NKD1: variants seen among roughly 807,000 people sequenced by gnomAD.
NKD1 encodes NKD inhibitor of Wnt signaling pathway 1.
In NKD1, 21 loss-of-function variants were observed where a neutral mutation model predicts 56.0. The ratio of observed to expected loss-of-function variants is 0.38; its 90% CI spans 0.27 to 0.54. The LOEUF (loss-of-function observed/expected upper bound fraction) is 0.54. Among genes scored for constraint, NKD1 ranks in the 20% least tolerant of loss-of-function variants. The probability of loss-of-function intolerance (pLI) is 0.82; values close to 1 mark genes in which losing one functional copy is unlikely to be tolerated. For synonymous variants in NKD1, 263 were observed against 265.7 expected (o/e 0.99, Z 0.10); for missense variants, 578 against 642.7 (o/e 0.90, Z 1.09).
chr16:50,580,647 T>C (rs1372021489), intron 3 of NKD1, among the ~76,000 whole-genome samples: 1 of 152,242 alleles, frequency 6.6e-6, no homozygotes, highest in African/African-American at 2.4e-5. Flanking sequence ...ACCCTTTCAA[T>C]TTTTTAAACA....
intron 3 of NKD1, among the ~76,000 whole-genome samples, chr16:50,588,598 CTTTTTTTTTTTTT>C (rs574622414): frequency 5.3e-5 from 5 of 94,652 alleles, no homozygotes; most frequent in Admixed American, 1.2e-4. Flanking sequence ...TTTTCTTCTG[CTTTTTTTTTTTTT>C]TTTTTTTTTT....
rs548121703 is a variant in NKD1, at chr16:50,574,554, C to G, written c.192+24999C>G. Reference sequence around the variant, plus strand: ...CGGCCGAATGGCAGTGCAGCGTGGTCTCGCCTTGGATTGATCTTGTTGGAG... The same window carrying G: ...CGGCCGAATGGCAGTGCAGCGTGGTGTCGCCTTGGATTGATCTTGTTGGAG... On this transcript the variant is annotated intron_variant, in intron 3 of 9. Coordinates refer to ENST00000268459, the MANE Select transcript of NKD1 (RefSeq NM_033119.5). The G allele has an allele frequency of 2.2e-5, 22 of 985,374 alleles. No homozygotes were observed. In the East Asian group the frequency reaches 2.4e-3, roughly 107 times the overall value. The allele number at this position is 985,374 out of a possible 1,614,324, so 61.0% of individuals were successfully genotyped here.
At chr16:50,582,362 A>G (rs967643272) in intron 3 of NKD1, among the ~76,000 whole-genome samples, 1 of 152,186 alleles carries the variant, frequency 6.6e-6, no homozygotes, top group African/African-American at 2.4e-5. Context: ...CCCCTCCCAC[A>G]TATCCTAAAG....
intron 3 of NKD1, chr16:50,553,369 A>G (rs1342599934): frequency 1.3e-5 from 2 of 152,256 alleles, no homozygotes; most frequent in African/African-American, 4.8e-5. Context: ...TGCCTGAAGA[A>G]ATAGGCTGAG....
chr16:50,560,010 G>A (rs1960589077), intron 3 of NKD1, among the ~76,000 whole-genome samples: 1 of 152,204 alleles, frequency 6.6e-6, no homozygotes, highest in Non-Finnish European at 1.5e-5. Context: ...GTGGGTTTGG[G>A]GGTGCTGGTG....
intron 5 of NKD1, among the ~76,000 whole-genome samples, chr16:50,622,093 A>G (rs1962105089): frequency 6.6e-6 from 1 of 151,786 alleles, no homozygotes; most frequent in African/African-American, 2.4e-5. Flanking sequence ...CCTGTGGGGG[A>G]TCTCAGGTGG....
chr16:50,622,725 A>C lies in NKD1; in HGVS notation c.366+1017A>C, dbSNP rs148124737. Among the ~76,000 whole-genome samples the C allele has an allele frequency of 1.1e-4, 16 of 152,294 alleles. No homozygotes were observed. The East Asian group carries it at 3.1e-3, about 30-fold the overall frequency. ...CGCCTAAAGGTCTAAAGTGCTTAAGAGGGTGCCCCTCTTTCTCACCAATGC... is the reference window on the plus strand; with the variant it reads ...CGCCTAAAGGTCTAAAGTGCTTAAGCGGGTGCCCCTCTTTCTCACCAATGC... On this transcript the variant is annotated intron_variant, in intron 5 of 9. Coordinates refer to ENST00000268459, the MANE Select transcript of NKD1 (RefSeq NM_033119.5).
intron 3 of NKD1, chr16:50,575,226 G>A (rs1368194310): frequency 2.0e-6 from 2 of 985,226 alleles, no homozygotes; most frequent in African/African-American, 3.5e-5. Context: ...CTTTAACTAG[G>A]GGCTGAGAGA....
At chr16:50,618,387 G>T (rs1047709511) in intron 4 of NKD1, among the ~76,000 whole-genome samples, 1 of 152,172 alleles carries the variant, frequency 6.6e-6, no homozygotes, top group Admixed American at 6.5e-5. Flanking sequence ...CCTTGGTGTG[G>T]CCTGGGTGGC....
Position 50,633,268 on chromosome 16 carries a change from G to T in NKD1, c.900G>T (p.Pro300=). Residue 300 remains proline, a synonymous_variant, in exon 10 of 10, where the codon CCG becomes CCT. Transcript: ENST00000268459. This position sits in a 1 kb window ranked among gnomAD's most constrained non-coding sequence, Gnocchi z 4.9. The part of the protein sequence containing the change: ...SNPTRSRSHE[P]EAIHIPHRKP... ...CCACTCGATCTCGCTCCCATGAGCCGGAAGCCATCCACATCCCACACCGAA... is the reference window on the plus strand; with the variant it reads ...CCACTCGATCTCGCTCCCATGAGCCTGAAGCCATCCACATCCCACACCGAA... 1.2e-6 allele frequency: 2 copies of T among 1,614,030 alleles called. No homozygotes were observed. The highest frequency in any genetic ancestry group is 1.7e-6 in the Non-Finnish European group (2 of 1,179,970).
intron 3 of NKD1, among the ~76,000 whole-genome samples, chr16:50,588,375 C>A (rs1258580754): frequency 6.6e-6 from 1 of 152,154 alleles, no homozygotes; most frequent in African/African-American, 2.4e-5. Flanking sequence ...GCAAATAAGC[C>A]CATGCCAAAG....
At chr16:50,584,274 C>T (rs1425552525) in intron 3 of NKD1, among the ~76,000 whole-genome samples, 2 of 152,216 alleles carry the variant, frequency 1.3e-5, no homozygotes, top group Non-Finnish European at 2.9e-5. Context: ...AGGAAGTGGA[C>T]TCCCCAGTGC....
At chr16:50,581,873 G>C (rs1033019046) in intron 3 of NKD1, among the ~76,000 whole-genome samples, 12 of 152,200 alleles carry the variant, frequency 7.9e-5, no homozygotes, top group Admixed American at 2.0e-4. Flanking sequence ...ATTTGGAAAG[G>C]GCAGGGTGGT....
In NKD1 at chr16:50,608,296, G is replaced by T; in HGVS notation, c.195G>T (p.Glu65Asp). Residue 65 changes from glutamate to aspartate, a missense_variant and splice_region_variant, in exon 4 of 10, where the codon GAG (glutamate) becomes GAT (aspartate). By Grantham distance (45) the Glu-to-Asp change is conservative. Transcript: ENST00000268459. Reference protein sequence around the residue: ...LAGTIGRSTRELVGDVLRDTL... With the variant: ...LAGTIGRSTRDLVGDVLRDTL... ...GCCTCTGCTCTGTCTTCTTGTAGGA[G>T]CTCGTGGGCGACGTGTTGAGAGACA... 1 of 1,612,450 alleles carries T rather than the reference G, an allele frequency of 6.2e-7. No individual in the cohort carries two copies. The highest frequency in any genetic ancestry group is 8.5e-7 in the Non-Finnish European group (1 of 1,178,734).
rs1962705522 is a variant in NKD1, at chr16:50,647,631, GGT to G, written c.*13851_*13852del. Reference sequence around the variant, plus strand: ...CCCACCTGCACAGGGAGGGAGCTGAGGTATTTACCCACCCATCCTTGTCAGTC... The same window carrying G: ...CCCACCTGCACAGGGAGGGAGCTGAGATTTACCCACCCATCCTTGTCAGTC... On this transcript the variant is annotated 3_prime_UTR_variant, in exon 10 of 10. Transcript: ENST00000268459. 6.6e-6 allele frequency: 1 copy of G among 152,222 alleles called. No individual in the cohort carries two copies. Among genetic ancestry groups the G allele is most frequent in the Non-Finnish European group, 1.5e-5 (1 of 68,048 alleles). The allele number at this position is 152,222 out of a possible 1,614,324, so 9.4% of individuals were successfully genotyped here. A position where few individuals can be genotyped will look rare whatever the true frequency, so the allele number is the denominator to read the frequency against.
At chr16:50,569,068 A>G (rs992523237) in intron 3 of NKD1, among the ~76,000 whole-genome samples, 49 of 152,184 alleles carry the variant, frequency 3.2e-4, no homozygotes, top group Non-Finnish European at 4.4e-5. Context: ...GAGATCTATC[A>G]TCTCAGCTTT....
At chr16:50,594,766 G>A (rs1186465725) in intron 3 of NKD1, among the ~76,000 whole-genome samples, 3 of 151,774 alleles carry the variant, frequency 2.0e-5, no homozygotes, top group African/African-American at 7.3e-5. Context: ...GGGCCCCCAG[G>A]TGTGAGCTGC....
rs909793156 is a variant in NKD1 at position 50,623,319 on chromosome 16, A to G, written c.366+1611A>G. ...TGTTCTCCCCACACAGCACAGGAGC[A>G]CTCCAGCCTCCAAGAGGCTTGAAGG... On this transcript the variant is annotated intron_variant, in intron 5 of 9. Transcript: ENST00000268459. The surrounding 1 kb of genome is among the most constrained non-coding windows in gnomAD (Gnocchi z 4.1). Among the ~76,000 whole-genome samples the G allele has an allele frequency of 4.6e-5, 7 of 151,170 alleles. No homozygotes were observed. Among genetic ancestry groups the G allele is most frequent in the Admixed American group, 2.6e-4 (4 of 15,104 alleles).
At chr16:50,570,852 C>T in intron 3 of NKD1, 8 of 985,434 alleles carry the variant, frequency 8.1e-6, no homozygotes, top group Non-Finnish European at 9.6e-6. Context: ...AACATCTGTA[C>T]AGCACCTTGT....
Sources: allele counts gnomAD v4.1 joint callset (sites outside exome capture counted in the v4.1 genomes callset), GRCh38; gene constraint gnomAD v4.1.1; non-coding constraint Gnocchi (gnomAD v3.1); transcripts MANE v1.5; gene names NCBI Gene and HGNC (gene_info 2026-07-23, HGNC 2026-07-21).